The following EED variants were observed in gnomAD, a reference collection of about 807,000 sequenced individuals.
EED encodes polycomb protein EED.
Under a neutral mutation model 61.0 loss-of-function variants are expected in EED, and 9 were observed. The ratio of observed to expected loss-of-function variants is 0.15; its 90% confidence interval spans 0.09 to 0.26. The LOEUF (loss-of-function observed/expected upper bound fraction) is 0.26. Among genes scored for constraint, EED ranks in the 10% least tolerant of loss-of-function variants. The probability of loss-of-function intolerance (pLI) is 1.00; values close to 1 mark genes in which losing one functional copy is unlikely to be tolerated. For synonymous variants in EED, 187 were observed against 174.4 expected, an observed-to-expected ratio of 1.07 and a Z score of -0.57; for missense variants, 315 against 542.3, an observed-to-expected ratio of 0.58 and a Z score of 4.16.
At chr11:86,284,815 A>G in the EED span, 1 of 152,460 alleles carries the variant, frequency 6.6e-6, no homozygotes, top group Non-Finnish European at 1.5e-5. Context: ...GCAAAATGAA[A>G]AGGCAAACTC....
At chr11:86,281,839 T>C (rs1197332994), downstream of EED, among the ~76,000 whole-genome samples, 2 of 152,192 alleles carry the variant, frequency 1.3e-5, no homozygotes, top group Non-Finnish European at 2.9e-5. Flanking sequence ...CATCTTTCAT[T>C]TTCTCTTGTA....
At chr11:86,252,453 A>G (rs929303654) in intron 3 of EED, among the ~76,000 whole-genome samples, 6 of 151,712 alleles carry the variant, frequency 4.0e-5, no homozygotes, top group African/African-American at 1.5e-4. Flanking sequence ...CTAATTATTT[A>G]TGAAACAGGT....
At chr11:86,245,395 C>G (rs767371453) in intron 1 of EED, 52 bp downstream of exon 1, 3 of 1,452,950 alleles carry the variant, frequency 2.1e-6, no homozygotes, top group East Asian at 2.5e-5. Context: ...GTTTTAAATT[C>G]TTTTAAAACG....
chr11:86,251,816 C>A (rs1370539253), intron 2 of EED, among the ~76,000 whole-genome samples: 1 of 152,114 alleles, frequency 6.6e-6, no homozygotes, highest in Admixed American at 6.5e-5. Context: ...CCTTTTGTAT[C>A]CACCAAAATT....
At chr11:86,262,467 A>T (rs1488276207) in intron 6 of EED, among the ~76,000 whole-genome samples, 1 of 151,914 alleles carries the variant, frequency 6.6e-6, no homozygotes, top group Non-Finnish European at 1.5e-5. Context: ...TATTTATTTA[A>T]TTTATTTTTT....
intron 9 of EED, among the ~76,000 whole-genome samples, chr11:86,269,644 A>G (rs1946063914): frequency 6.6e-6 from 1 of 152,208 alleles, no homozygotes; most frequent in African/African-American, 2.4e-5. Context: ...CAAAGTTTAT[A>G]TATTATATAA....
chr11:86,268,262 G>A, intron 8 of EED, 194 bp from the exon 9 acceptor site: 2 of 449,446 alleles, frequency 4.4e-6, no homozygotes, highest in Non-Finnish European at 3.9e-6. Context: ...GATAATAATG[G>A]AGAAAAATAA....
intron 3 of EED, among the ~76,000 whole-genome samples, chr11:86,253,443 T>G (rs773938946): frequency 1.3e-5 from 2 of 152,204 alleles, no homozygotes; most frequent in South Asian, 4.1e-4. Context: ...GTGTGCTGAT[T>G]GCAGTGTTTT....
intron 10 of EED, chr11:86,277,441 G>A (rs1946257573): frequency 4.7e-6 from 1 of 212,092 alleles, no homozygotes; most frequent in Admixed American, 5.8e-5. Context: ...AAGACTTAAT[G>A]TTTTAGTAAT....
intron 11 of EED, 85 bp from the exon 12 acceptor site, chr11:86,278,309 ACATCT>A (rs772672343): frequency 1.3e-6 from 2 of 1,510,974 alleles, no homozygotes. Context: ...ATGACTTGGA[ACATCT>A]GCTTATTTTC....
intron 9 of EED, 132 bp from the exon 10 acceptor site, chr11:86,276,840 GTACATCAC>G: frequency 3.6e-6 from 2 of 560,098 alleles, no homozygotes; most frequent in Non-Finnish European, 2.8e-6. Context: ...ATAAATGAAT[GTACATCAC>G]TGTACTTGAT....
chr11:86,261,639 T>C (rs755377061), intron 6 of EED, among the ~76,000 whole-genome samples: 1 of 152,210 alleles, frequency 6.6e-6, no homozygotes, highest in Non-Finnish European at 1.5e-5. Flanking sequence ...TGATGTCTTT[T>C]GAAATCTAGA....
intron 11 of EED, 150 bp from the exon 12 acceptor site, chr11:86,278,249 T>C: frequency 7.4e-7 from 1 of 1,356,660 alleles, no homozygotes; most frequent in Non-Finnish European, 9.5e-7. Flanking sequence ...TTTATAAAAT[T>C]TGAGACTGAG....
In EED at chr11:86,277,150, C is replaced by T. The variant is rs752265056; in HGVS notation, c.1125+12C>T. On this transcript the variant is annotated intron_variant, in intron 10 of 11. Coordinates refer to ENST00000263360, the MANE Select transcript of EED (RefSeq NM_003797.5). Reference sequence around the variant, plus strand: ...ATTTCTGGCAAAAGGTATCAACATACTTTTACATTTTGAAATGATCTGACT... The same window carrying T: ...ATTTCTGGCAAAAGGTATCAACATATTTTTACATTTTGAAATGATCTGACT... The T allele has an allele frequency of 3.2e-6, 5 of 1,553,944 alleles. No individual in the cohort carries two copies. In the South Asian group the frequency reaches 4.9e-5, roughly 15 times the overall value.
At position 86,245,329 on chromosome 11, in the gene EED, T is replaced by C; in HGVS notation, c.100T>C (p.Ser34Pro). 1.9e-6 allele frequency: 3 copies of C among 1,612,420 alleles called. No homozygotes were observed. The highest frequency in any genetic ancestry group is 1.7e-6 in the Non-Finnish European group (2 of 1,179,538). Residue 34 changes from serine (S) to proline (P), a missense_variant, in exon 1 of 12, where the codon TCT becomes CCT. By Grantham distance (74) the Ser-to-Pro change is moderately conservative. This residue lies in a region of EED where 110 missense variants were observed against 86.9 expected (regional missense o/e 1.27). Transcript: ENST00000263360. The stretch of plus-strand genomic sequence containing the variant: ...TGACGAGAACAGCAATCCAGACCTC[T>C]CTGGAGACGAGAATGTAAGTGCAGC... ...SSDENSNPDL[S>P]GDENDDAVSI...
chr11:86,269,579 A>G (rs1946061706), intron 9 of EED, among the ~76,000 whole-genome samples: 2 of 152,164 alleles, frequency 1.3e-5, no homozygotes, highest in East Asian at 3.9e-4. Flanking sequence ...AACTTGATTC[A>G]TAGGATGTTT....
chr11:86,285,387 T>TCCAG, the EED span, among the ~76,000 whole-genome samples: 1 of 151,822 alleles, frequency 6.6e-6, no homozygotes, highest in South Asian at 2.1e-4. Context: ...ACCACTGCAA[T>TCCAG]CCAGCCAGGG....
At chr11:86,246,270 G>C (rs1221152647) in intron 1 of EED, among the ~76,000 whole-genome samples, 1 of 152,178 alleles carries the variant, frequency 6.6e-6, no homozygotes, top group Admixed American at 6.5e-5. Context: ...GAAGTATCTT[G>C]ACAATTTATT....
chr11:86,282,638 C>G (rs576332023), downstream of EED, among the ~76,000 whole-genome samples: 1 of 152,246 alleles, frequency 6.6e-6, no homozygotes, highest in African/African-American at 2.4e-5. Context: ...TATGGTAGTA[C>G]CCATTCCAGT....
Sources: gnomAD v4.1 joint callset for allele counts (sites outside exome capture counted in the v4.1 genomes callset) on GRCh38, gnomAD v4.1.1 for gene constraint, gnomAD v4.1.1 regional missense constraint, MANE v1.5 for transcripts, NCBI Gene and HGNC (gene_info 2026-07-23, HGNC 2026-07-21) for gene names.